FRMD4A: variants seen among roughly 807,000 people sequenced by gnomAD.
The protein encoded by FRMD4A is FERM domain containing 4A.
FRMD4A carries 29 observed loss-of-function variants against 129.1 expected under a neutral mutation model. The observed-to-expected ratio is 0.22, with a 90% CI of 0.17 to 0.31. The LOEUF (loss-of-function observed/expected upper bound fraction) is 0.31. Among genes scored for constraint, FRMD4A ranks in the 10% least tolerant of loss-of-function variants. FRMD4A has a pLI of 1.00. For synonymous variants in FRMD4A, 634 were observed against 571.6 expected (o/e 1.11, Z -1.56); for missense variants, 1,272 against 1,375.8 (o/e 0.92, Z 1.19).
At chr10:14,123,714 C>T (rs148104221) in intron 2 of FRMD4A, among the ~76,000 whole-genome samples, 19 of 152,322 alleles carry the variant, frequency 1.2e-4, no homozygotes, top group African/African-American at 4.6e-4. Context: ...TGCTTTGACT[C>T]CTGTTCCTGG....
intron 2 of FRMD4A, among the ~76,000 whole-genome samples, chr10:14,140,271 C>T (rs1164442052): frequency 6.6e-6 from 1 of 152,144 alleles, no homozygotes; most frequent in Admixed American, 6.5e-5. Context: ...CCATGTTGAC[C>T]AGGCTGGTCT....
At chr10:13,788,911 C>T (rs1192365901) in intron 5 of FRMD4A, among the ~76,000 whole-genome samples, 2 of 152,234 alleles carry the variant, frequency 1.3e-5, no homozygotes, top group Non-Finnish European at 2.9e-5. Flanking sequence ...AGCCAGATGA[C>T]ATCAGCCAGG....
At chr10:14,127,981 TCTCTCTCTCTCTCTCTC>T (rs1564319474) in intron 2 of FRMD4A, among the ~76,000 whole-genome samples, 7 of 18,202 alleles carry the variant, frequency 3.8e-4, no homozygotes, top group African/African-American at 1.8e-3. Context: ...TTTCTTTCCT[TCTCTCTCTCTCTCTCTC>T]TCTTTCTTTC....
At chr10:13,665,035 A>T (rs955096961) in intron 18 of FRMD4A, among the ~76,000 whole-genome samples, 1 of 152,136 alleles carries the variant, frequency 6.6e-6, no homozygotes, top group Non-Finnish European at 1.5e-5. Context: ...GGCATGCGCC[A>T]CCACGCCTGG....
chr10:13,697,738 A>T (rs546363826), intron 14 of FRMD4A, among the ~76,000 whole-genome samples: 18 of 152,322 alleles, frequency 1.2e-4, no homozygotes, highest in African/African-American at 4.1e-4. Context: ...GGAGAGAAAA[A>T]AAAAGATTAG....
chr10:13,909,036 T>C (rs1165581938), intron 2 of FRMD4A, among the ~76,000 whole-genome samples: 1 of 152,220 alleles, frequency 6.6e-6, no homozygotes, highest in Non-Finnish European at 1.5e-5. Context: ...CTTCCTATTC[T>C]TTTTCACTCT....
intron 2 of FRMD4A, among the ~76,000 whole-genome samples, chr10:14,262,429 A>T (rs1844837860): frequency 6.6e-6 from 1 of 152,228 alleles, no homozygotes; most frequent in South Asian, 2.1e-4. Flanking sequence ...ATTATTATAT[A>T]GAAATATTAG....
chr10:13,964,761 T>G (rs1470036699), intron 2 of FRMD4A, among the ~76,000 whole-genome samples: 1 of 150,472 alleles, frequency 6.6e-6, no homozygotes, highest in Non-Finnish European at 1.5e-5. Flanking sequence ...AACCTCTGCC[T>G]CCCTGCAACC....
At chr10:13,996,726 T>C (rs2095623912) in intron 2 of FRMD4A, among the ~76,000 whole-genome samples, 2 of 152,198 alleles carry the variant, frequency 1.3e-5, no homozygotes, top group African/African-American at 4.8e-5. Context: ...TTCACCCTAA[T>C]TGGCAGATAA....
At chr10:13,787,387 C>T (rs113137387) in intron 5 of FRMD4A, among the ~76,000 whole-genome samples, 3,065 of 152,294 alleles carry the variant, frequency 0.02, 55 homozygotes, top group African/African-American at 0.053. Flanking sequence ...TGGTGCACAC[C>T]GGTGGCACCA....
chr10:13,712,525 A>C (rs77157848), intron 12 of FRMD4A, among the ~76,000 whole-genome samples: 2 of 152,046 alleles, frequency 1.3e-5, no homozygotes, highest in Non-Finnish European at 2.9e-5. Context: ...AAAAAAAAAA[A>C]AGAGCAACAA....
chr10:14,017,503 T>A (rs1305212745), intron 2 of FRMD4A, among the ~76,000 whole-genome samples: 1 of 152,220 alleles, frequency 6.6e-6, no homozygotes, highest in Non-Finnish European at 1.5e-5. Flanking sequence ...TTACTAGGCT[T>A]AGCTCTCAAA....
chr10:13,978,500 C>T (rs549787692), intron 2 of FRMD4A, among the ~76,000 whole-genome samples: 106 of 152,088 alleles, frequency 7.0e-4, no homozygotes, highest in African/African-American at 2.4e-3. Context: ...CCGGGTTCCA[C>T]TTCCTTGGAA....
At chr10:14,048,822 G>GA (rs1419132611) in intron 2 of FRMD4A, among the ~76,000 whole-genome samples, 3 of 91,392 alleles carry the variant, frequency 3.3e-5, no homozygotes, top group African/African-American at 1.5e-4. Flanking sequence ...AAATAGAATA[G>GA]ATTAGAATAG....
In FRMD4A at chr10:13,656,659, G is replaced by A. The variant is rs1167625267; in HGVS notation, c.2930C>T (p.Pro977Leu). 2.0e-6 allele frequency: 3 copies of A among 1,499,614 alleles called. No individual in the cohort carries two copies. The highest frequency in any genetic ancestry group is 2.1e-5 in the Admixed American group (1 of 48,212). The allele number at this position is 1,499,614 out of a possible 1,614,324, so 92.9% of individuals were successfully genotyped here. ...ACCTGACGTGGCCTTGCACATCTGG[G>A]GCATCCTGGTGACCCTGCTGTGCGC... ...FVAHSRVTRMPQMCKATSAAL... is the reference protein window; with the variant it reads ...FVAHSRVTRMLQMCKATSAAL... The change falls in exon 22 of 25, where the codon CCC becomes CTC. Residue 977 changes from proline (P) to leucine (L), a missense_variant. Pro to Leu is a moderately conservative substitution (Grantham distance 98). Around this residue, in one of 2 missense-constraint regions of FRMD4A, gnomAD observed 972 missense variants for 892.3 expected, o/e 1.09. Coordinates refer to ENST00000357447, the MANE Select transcript of FRMD4A (RefSeq NM_018027.5).
At chr10:14,057,493 G>T (rs12265599) in intron 2 of FRMD4A, among the ~76,000 whole-genome samples, 19,922 of 152,116 alleles carry the variant, frequency 0.13, 1,712 homozygotes, top group African/African-American at 0.24. Flanking sequence ...CATGAGTCAA[G>T]CAAGACAAAA....
intron 2 of FRMD4A, among the ~76,000 whole-genome samples, chr10:14,155,114 T>G (rs371908921): frequency 3.8e-4 from 58 of 152,230 alleles, no homozygotes; most frequent in African/African-American, 1.3e-3. Flanking sequence ...CCCAGTGAGA[T>G]CTCATCTCTA....
intron 2 of FRMD4A, among the ~76,000 whole-genome samples, chr10:14,170,675 G>A (rs1294069794): frequency 6.6e-6 from 1 of 152,160 alleles, no homozygotes; most frequent in African/African-American, 2.4e-5. Context: ...ATCCTTTCTA[G>A]GGTTAATTTC....
chr10:13,884,993 G>T (rs1209901154), intron 2 of FRMD4A, among the ~76,000 whole-genome samples: 1 of 152,142 alleles, frequency 6.6e-6, no homozygotes, highest in East Asian at 1.9e-4. Flanking sequence ...ACCTCGATGG[G>T]ATCATATCCC....
Sources: allele counts gnomAD v4.1 joint callset (sites outside exome capture counted in the v4.1 genomes callset), GRCh38; gene constraint gnomAD v4.1.1; regional missense constraint gnomAD v4.1.1; transcripts MANE v1.5; gene names NCBI Gene and HGNC (gene_info 2026-07-23, HGNC 2026-07-21).